The following ROPN1L variants were observed in gnomAD, a reference collection of about 807,000 sequenced individuals.
The protein encoded by ROPN1L is ropporin-1-like protein.
ROPN1L carries 23 observed loss-of-function variants against 22.7 expected under a neutral mutation model. That is an observed-to-expected ratio of 1.01 (90% CI 0.73 to 1.43). The LOEUF (loss-of-function observed/expected upper bound fraction) is 1.43. Among genes scored for constraint, ROPN1L ranks in the 40% most tolerant of loss-of-function variants. The pLI is 0.00. For synonymous variants in ROPN1L, 116 were observed against 117.8 expected (o/e 0.98, Z 0.10); for missense variants, 271 against 291.5 (o/e 0.93, Z 0.51).
chr5:10,462,760 G>A (rs999126159), intron 4 of ROPN1L, among the ~76,000 whole-genome samples: 8 of 152,122 alleles, frequency 5.3e-5, no homozygotes, highest in African/African-American at 1.7e-4. Context: ...GGTGGTGGGT[G>A]CCTGTAATCC....
downstream of ROPN1L, among the ~76,000 whole-genome samples, chr5:10,466,427 C>T (rs1735155221): frequency 2.0e-5 from 3 of 152,324 alleles, no homozygotes; most frequent in Admixed American, 1.3e-4. Context: ...TGCTGACCAG[C>T]TCAGCGTGCA....
intron 1 of ROPN1L, among the ~76,000 whole-genome samples, chr5:10,448,000 C>T (rs928815252): frequency 1.3e-5 from 2 of 152,162 alleles, no homozygotes; most frequent in East Asian, 3.8e-4. Context: ...CCAGCCACTG[C>T]GCCAAGCCCT....
downstream of ROPN1L, among the ~76,000 whole-genome samples, chr5:10,472,561 T>C (rs1035129558): frequency 8.5e-5 from 13 of 152,202 alleles, no homozygotes; most frequent in Non-Finnish European, 1.2e-4. Context: ...GTGCTAGTAG[T>C]CACTAACATA....
chr5:10,445,961 T>C (rs1283327967), intron 1 of ROPN1L, among the ~76,000 whole-genome samples: 1 of 152,124 alleles, frequency 6.6e-6, no homozygotes, highest in Non-Finnish European at 1.5e-5. Context: ...ATGAAGCAAG[T>C]AGGCATTCCT....
intron 3 of ROPN1L, 26 bp from the exon 4 acceptor site, chr5:10,461,158 T>TC (rs747870709): frequency 1.9e-6 from 3 of 1,596,432 alleles, no homozygotes; most frequent in South Asian, 1.1e-5. Context: ...ACTGTTTTTC[T>TC]CCCCACCTGG....
At chr5:10,454,588 G>A (rs1286362943) in intron 3 of ROPN1L, among the ~76,000 whole-genome samples, 7 of 152,030 alleles carry the variant, frequency 4.6e-5, no homozygotes, top group Non-Finnish European at 8.8e-5. Context: ...GACAGAGTCA[G>A]TCTGTCATGA....
intron 3 of ROPN1L, among the ~76,000 whole-genome samples, chr5:10,453,891 A>T (rs1368293525): frequency 1.3e-5 from 2 of 152,158 alleles, no homozygotes; most frequent in Non-Finnish European, 1.5e-5. Context: ...AAACGGGCAA[A>T]CATCACCAGA....
chr5:10,477,066 ATGAG>A, the ROPN1L span, among the ~76,000 whole-genome samples: 1 of 152,274 alleles, frequency 6.6e-6, no homozygotes, highest in East Asian at 1.9e-4. Flanking sequence ...CAATATGAAA[ATGAG>A]TGAGTGTGGC....
chr5:10,480,521 G>A, the ROPN1L span, among the ~76,000 whole-genome samples: 1 of 152,098 alleles, frequency 6.6e-6, no homozygotes, highest in African/African-American at 2.4e-5. Context: ...CGTGTGCTTG[G>A]GGTGGGTCGG....
chr5:10,475,971 A>G (rs946712454), downstream of ROPN1L, among the ~76,000 whole-genome samples: 2 of 152,236 alleles, frequency 1.3e-5, no homozygotes, highest in African/African-American at 4.8e-5. Flanking sequence ...CTTTGCCATC[A>G]TATGGACTTT....
chr5:10,478,631 G>A, the ROPN1L span, among the ~76,000 whole-genome samples: 1 of 152,042 alleles, frequency 6.6e-6, no homozygotes, highest in Non-Finnish European at 1.5e-5. Flanking sequence ...TCTCGTAAAG[G>A]GCAGCAGTCG....
intron 1 of ROPN1L, among the ~76,000 whole-genome samples, chr5:10,444,312 C>T (rs897932473): frequency 2.6e-5 from 4 of 152,146 alleles, no homozygotes; most frequent in East Asian, 2.0e-4. Context: ...ATTTTTGAGA[C>T]GGAGTTTCAC....
chr5:10,445,187 G>A (rs1741016587), intron 1 of ROPN1L, among the ~76,000 whole-genome samples: 1 of 151,480 alleles, frequency 6.6e-6, no homozygotes, highest in South Asian at 2.1e-4. Context: ...GGCCACGCTG[G>A]TCTGGAACTC....
At chr5:10,451,414 C>T (rs1275890316) in intron 3 of ROPN1L, among the ~76,000 whole-genome samples, 2 of 152,228 alleles carry the variant, frequency 1.3e-5, no homozygotes, top group Non-Finnish European at 2.9e-5. Context: ...CGCTTCCTGA[C>T]CTCTGAAACA....
At chr5:10,456,704 G>A (rs1249471572) in intron 3 of ROPN1L, among the ~76,000 whole-genome samples, 2 of 152,324 alleles carry the variant, frequency 1.3e-5, no homozygotes, top group East Asian at 3.9e-4. Context: ...GCACAAGATG[G>A]AGCAAGTTGC....
rs933117796 is a variant in ROPN1L at position 10,448,392 on chromosome 5, G to A, written c.255+9G>A. 1 of 1,613,880 alleles carries A rather than the reference G, an allele frequency of 6.2e-7. No homozygotes were observed. The highest frequency in any genetic ancestry group is 1.1e-5 in the South Asian group (1 of 91,064). On this transcript the variant is annotated intron_variant, in intron 2 of 4. Transcript: ENST00000274134. ...AAGTTTTGCACAAGCAGGTATGGGG[G>A]GGCGTAGTCTCTGGCCTCAGGCAGC...
At chr5:10,461,558 C>A (rs1394488664) in intron 4 of ROPN1L, 199 bp downstream of exon 4, 4 of 553,374 alleles carry the variant, frequency 7.2e-6, no homozygotes, top group African/African-American at 5.7e-5. Context: ...CAGCAGACAC[C>A]AGCTGTGCAT....
the ROPN1L span, chr5:10,479,410 A>G: frequency 1.3e-5 from 2 of 152,202 alleles, no homozygotes; most frequent in Non-Finnish European, 2.9e-5. Context: ...GACACCCCAC[A>G]TCTTTAGGTG....
chr5:10,442,507 A>G (rs561569763), intron 1 of ROPN1L, among the ~76,000 whole-genome samples: 1 of 152,382 alleles, frequency 6.6e-6, no homozygotes, highest in African/African-American at 2.4e-5. Flanking sequence ...ACCCGAAATC[A>G]TTGCAAAATG....
Sources: allele counts gnomAD v4.1 joint callset (sites outside exome capture counted in the v4.1 genomes callset), GRCh38; gene constraint gnomAD v4.1.1; transcripts MANE v1.5; gene names NCBI Gene and HGNC (gene_info 2026-07-23, HGNC 2026-07-21).